The following VIT variants were observed in gnomAD, a reference collection of about 807,000 sequenced individuals.
VIT encodes the protein vitrin.
A neutral mutation model predicts 78.0 loss-of-function variants in VIT; 99 were observed. That is an observed-to-expected ratio of 1.27 (90% confidence interval 1.08 to 1.50). The LOEUF (loss-of-function observed/expected upper bound fraction) is 1.50, where lower values mean the gene tolerates loss of function less well. Among genes scored for constraint, VIT ranks in the 40% most tolerant of loss-of-function variants. VIT has a pLI of 0.00. For missense variants in VIT, 1,126 were observed against 875.3 expected (o/e 1.29, Z -3.61); for synonymous variants, 374 against 334.3 (o/e 1.12, Z -1.29).
At chr2:36,809,690 C>A (rs968664346) in intron 15 of VIT, among the ~76,000 whole-genome samples, 1 of 152,202 alleles carries the variant, frequency 6.6e-6, no homozygotes, top group African/African-American at 2.4e-5. Context: ...GCCAGAATTA[C>A]AGTAGTGAGT....
At chr2:36,757,077 C>G (rs57096302) in intron 5 of VIT, among the ~76,000 whole-genome samples, 1 of 152,138 alleles carries the variant, frequency 6.6e-6, no homozygotes, top group Non-Finnish European at 1.5e-5. Flanking sequence ...AAGCCTCTCT[C>G]GAATGGATGA....
intron 6 of VIT, among the ~76,000 whole-genome samples, chr2:36,761,659 G>C (rs1053520199): frequency 6.6e-6 from 1 of 152,062 alleles, no homozygotes; most frequent in East Asian, 1.9e-4. Flanking sequence ...AGAATCACTT[G>C]AACCCGGGAG....
At chr2:36,736,828 A>G (rs1017762834) in intron 3 of VIT, among the ~76,000 whole-genome samples, 1 of 152,236 alleles carries the variant, frequency 6.6e-6, no homozygotes, top group African/African-American at 2.4e-5. Flanking sequence ...TTGTGTTTTC[A>G]TAAGTCCATA....
chr2:36,786,795 C>T (rs950442859), intron 11 of VIT, among the ~76,000 whole-genome samples: 3 of 152,196 alleles, frequency 2.0e-5, no homozygotes, highest in African/African-American at 4.8e-5. Context: ...ATTCTCACAA[C>T]GGGGAGTCTG....
chr2:36,808,736 G>T lies in VIT; in HGVS notation c.1654G>T (p.Val552Leu). ...ISDTDTRIGA[V>L]QYTYEQRLEF... ...CGACACGGACACGCGCATCGGGGCCGTGCAGTACACCTACGAACAGCGGCT... is the reference window on the plus strand; with the variant it reads ...CGACACGGACACGCGCATCGGGGCCTTGCAGTACACCTACGAACAGCGGCT... The change falls in exon 15 of 16, where the codon GTG becomes TTG. Residue 552 changes from valine to leucine, a missense_variant. By Grantham distance (32) the Val-to-Leu change is conservative (BLOSUM62 1). Coordinates refer to ENST00000379242, the MANE Select transcript of VIT (RefSeq NM_053276.4). 3 of 1,614,194 alleles carry T rather than the reference G, an allele frequency of 1.9e-6. No homozygotes were observed. Among genetic ancestry groups the T allele is most frequent in the Non-Finnish European group, 2.5e-6 (3 of 1,180,032 alleles).
rs1441475495 is a variant in VIT at position 36,754,956 on chromosome 2, T to C, written c.311T>C (p.Val104Ala). 6.2e-7 allele frequency: 1 copy of C among 1,614,168 alleles called. No individual in the cohort carries two copies. Among genetic ancestry groups the C allele is most frequent in the Admixed American group, 1.7e-5 (1 of 60,020 alleles). ...VLDNSGGKIL[V>A]RKVAGQSGYK... ...GATAATTCAGGAGGGAAAATACTTGTTCGGAAGGTTGCTGGACAGTCTGGT... is the reference window on the plus strand; with the variant it reads ...GATAATTCAGGAGGGAAAATACTTGCTCGGAAGGTTGCTGGACAGTCTGGT... The change falls in exon 5 of 16, where the codon GTT becomes GCT. Residue 104 changes from valine (V) to alanine (A), a missense_variant. Coordinates refer to ENST00000379242, the MANE Select transcript of VIT (RefSeq NM_053276.4).
chr2:36,802,170 A>C (rs1666379611), intron 13 of VIT, among the ~76,000 whole-genome samples: 1 of 152,186 alleles, frequency 6.6e-6, no homozygotes, highest in Non-Finnish European at 1.5e-5. Flanking sequence ...TCAGTGGGGC[A>C]TGTCCAGAAA....
intron 2 of VIT, among the ~76,000 whole-genome samples, chr2:36,717,461 C>T (rs1399270246): frequency 6.6e-6 from 1 of 150,906 alleles, no homozygotes; most frequent in African/African-American, 2.4e-5. Context: ...TGGTCTCGAT[C>T]TCCTGACCTT....
At position 36,726,043 on chromosome 2, in the gene VIT, T is replaced by G. The variant is rs1330016930; in HGVS notation, c.53-3383T>G. Among the ~76,000 whole-genome samples, 6 of 148,156 alleles carry G rather than the reference T, an allele frequency of 4.0e-5. No individual in the cohort carries two copies. The Admixed American group carries it at 4.1e-4, about 10-fold the overall frequency. On this transcript the variant is annotated intron_variant, in intron 2 of 15. Transcript: ENST00000379242. Reference sequence around the variant, plus strand: ...GAGACTGCACTACTACAATCCAGCCTGGGTGACAGAGCGAGACTCTGTCTC... The same window carrying G: ...GAGACTGCACTACTACAATCCAGCCGGGGTGACAGAGCGAGACTCTGTCTC...
intron 14 of VIT, among the ~76,000 whole-genome samples, chr2:36,807,720 G>A (rs543264172): frequency 6.6e-6 from 1 of 152,314 alleles, no homozygotes; most frequent in African/African-American, 2.4e-5. Context: ...TTTGCTCAAG[G>A]TGTATTTGCA....
intron 1 of VIT, among the ~76,000 whole-genome samples, chr2:36,707,472 G>C (rs1249944514): frequency 6.6e-6 from 1 of 152,170 alleles, no homozygotes; most frequent in Non-Finnish European, 1.5e-5. Context: ...AGCCCACCTG[G>C]ACTAGTAACT....
At chr2:36,722,984 A>C (rs1302211616) in intron 2 of VIT, among the ~76,000 whole-genome samples, 1 of 150,694 alleles carries the variant, frequency 6.6e-6, no homozygotes, top group East Asian at 1.9e-4. Flanking sequence ...AATTATGTCT[A>C]TATAAAATAT....
intron 15 of VIT, 96 bp downstream of exon 15, chr2:36,809,081 G>GT (rs960008093): frequency 5.2e-5 from 76 of 1,461,226 alleles, no homozygotes; most frequent in Non-Finnish European, 4.4e-5. Flanking sequence ...TTATGCATTG[G>GT]TTTTTTCTGC....
intron 1 of VIT, among the ~76,000 whole-genome samples, chr2:36,705,964 G>A (rs756251481): frequency 1.4e-4 from 21 of 152,096 alleles, no homozygotes; most frequent in Non-Finnish European, 2.4e-4. Context: ...TCAAAGTTGC[G>A]ACAACCCAAA....
chr2:36,697,314 T>C (rs1558493574), intron 1 of VIT, among the ~76,000 whole-genome samples: 1 of 152,254 alleles, frequency 6.6e-6, no homozygotes, highest in Non-Finnish European at 1.5e-5. Context: ...ATCTTGCTTT[T>C]TTAAAAACTT....
intron 3 of VIT, among the ~76,000 whole-genome samples, chr2:36,737,459 C>G (rs1667577146): frequency 6.6e-6 from 1 of 152,182 alleles, no homozygotes; most frequent in Admixed American, 6.5e-5. Context: ...ACGATATTCT[C>G]CACAGGCAGT....
intron 7 of VIT, among the ~76,000 whole-genome samples, chr2:36,772,834 T>G (rs1344045189): frequency 6.6e-6 from 1 of 152,266 alleles, no homozygotes; most frequent in Non-Finnish European, 1.5e-5. Flanking sequence ...TGATATTTTT[T>G]TCCATGCCCT....
rs116066224 is a variant in VIT, at chr2:36,760,321, C to T, written c.487+1275C>T. On this transcript the variant is annotated intron_variant, in intron 6 of 15. Coordinates refer to ENST00000379242, the MANE Select transcript of VIT (RefSeq NM_053276.4). ...TCTAGATTTTCTTATGCTAATAGTA[C>T]GTATATAGATCGCTGATTTCCTGAT... Among the ~76,000 whole-genome samples the T allele has an allele frequency of 6.6e-3, 1,010 of 152,112 alleles. 6 individuals carry two copies. The highest frequency in any genetic ancestry group is 9.5e-3 in the Non-Finnish European group (643 of 67,950).
At chr2:36,793,866 T>G (rs778495128) in intron 12 of VIT, among the ~76,000 whole-genome samples, 2 of 152,212 alleles carry the variant, frequency 1.3e-5, no homozygotes, top group African/African-American at 2.4e-5. Flanking sequence ...ATAGGTACTT[T>G]AGGACTGAAA....
Sources: allele counts gnomAD v4.1 joint callset (sites outside exome capture counted in the v4.1 genomes callset), GRCh38; gene constraint gnomAD v4.1.1; transcripts MANE v1.5; gene names NCBI Gene and HGNC (gene_info 2026-07-23, HGNC 2026-07-21).